The following STK3 variants were observed in gnomAD, a reference collection of about 807,000 sequenced individuals.
The protein encoded by STK3 is serine/threonine kinase 3.
In STK3, 41 loss-of-function variants were observed where a neutral mutation model predicts 58.0. That is an observed-to-expected ratio of 0.71 (90% confidence interval 0.55 to 0.92). The LOEUF is 0.92. Ranked by LOEUF, STK3 falls within the 40% of genes least tolerant of loss-of-function variation. The pLI, the probability that STK3 is intolerant of heterozygous loss-of-function variation, is 0.00. For synonymous variants in STK3, 170 were observed against 191.0 expected, an observed-to-expected ratio of 0.89 and a Z score of 0.91; for missense variants, 479 against 602.7, an observed-to-expected ratio of 0.79 and a Z score of 2.15.
At chr8:98,792,406 T>G (rs752360167) in intron 1 of STK3, among the ~76,000 whole-genome samples, 2 of 152,116 alleles carry the variant, frequency 1.3e-5, no homozygotes, top group Non-Finnish European at 2.9e-5. Context: ...CTTAAAGAAC[T>G]AAAAGTAGGG....
the STK3 span, among the ~76,000 whole-genome samples, chr8:98,354,846 C>A: frequency 1.3e-5 from 2 of 152,188 alleles, no homozygotes; most frequent in Non-Finnish European, 2.9e-5. Flanking sequence ...GGTGCAATCT[C>A]GCCTCAATGC....
downstream of STK3, among the ~76,000 whole-genome samples, chr8:98,368,638 C>G (rs2130986527): frequency 6.6e-6 from 1 of 152,282 alleles, no homozygotes; most frequent in East Asian, 1.9e-4. Context: ...ATGTCTCCTG[C>G]ATTCACAAAA....
intron 6 of STK3, among the ~76,000 whole-genome samples, chr8:98,701,469 A>G (rs2131035000): frequency 6.6e-6 from 1 of 152,098 alleles, no homozygotes; most frequent in African/African-American, 2.4e-5. Flanking sequence ...AATACAAAAA[A>G]TTAGCTTGGC....
intron 1 of STK3, among the ~76,000 whole-genome samples, chr8:98,940,162 C>T (rs947508900): frequency 3.3e-5 from 5 of 151,900 alleles, no homozygotes; most frequent in African/African-American, 1.2e-4. Flanking sequence ...GCCTGGAGAC[C>T]GCGGAGCCCG....
At chr8:98,731,548 T>C (rs1187868370) in intron 4 of STK3, among the ~76,000 whole-genome samples, 1 of 151,814 alleles carries the variant, frequency 6.6e-6, no homozygotes, top group East Asian at 1.9e-4. Flanking sequence ...TGAAACTCCG[T>C]CTCTACTAAA....
At chr8:98,838,756 T>A (rs1465320056) in intron 3 of STK3, among the ~76,000 whole-genome samples, 1 of 152,106 alleles carries the variant, frequency 6.6e-6, no homozygotes, top group East Asian at 1.9e-4. Flanking sequence ...TACCGGTCTT[T>A]TTCCCTAAAG....
At chr8:98,846,856 T>TACACACACACACACACAC (rs374739035) in intron 3 of STK3, among the ~76,000 whole-genome samples, 36 of 143,320 alleles carry the variant, frequency 2.5e-4, no homozygotes, top group African/African-American at 9.2e-4. Context: ...TTCAGGATCC[T>TACACACACACACACACAC]ACACACACAC....
At chr8:98,837,907 G>A (rs1264898324) in intron 3 of STK3, among the ~76,000 whole-genome samples, 1 of 151,998 alleles carries the variant, frequency 6.6e-6, no homozygotes, top group African/African-American at 2.4e-5. Context: ...ACTCCAGCCT[G>A]GGTGACAGAG....
At chr8:98,705,681 A>C (rs780891881) in intron 6 of STK3, among the ~76,000 whole-genome samples, 78 of 152,218 alleles carry the variant, frequency 5.1e-4, no homozygotes, top group Admixed American at 8.5e-4. Flanking sequence ...ACACATACAT[A>C]CACTCCTCCC....
chr8:98,874,246 C>T (rs1348724657), intron 3 of STK3, among the ~76,000 whole-genome samples: 1 of 152,186 alleles, frequency 6.6e-6, no homozygotes, highest in African/African-American at 2.4e-5. Flanking sequence ...TTGTGGGTAA[C>T]CTGACCTTTC....
chr8:98,495,765 T>C (rs922617211), intron 10 of STK3, among the ~76,000 whole-genome samples: 1 of 152,220 alleles, frequency 6.6e-6, no homozygotes, highest in African/African-American at 2.4e-5. Flanking sequence ...ATCAAACATC[T>C]GTATATACTT....
At chr8:98,649,317 A>G (rs537959348) in intron 6 of STK3, among the ~76,000 whole-genome samples, 2 of 152,260 alleles carry the variant, frequency 1.3e-5, no homozygotes, top group East Asian at 3.9e-4. Context: ...GCTGCCAATG[A>G]GATCCCACAT....
chr8:98,706,517 T>C lies in STK3; in HGVS notation c.634A>G (p.Ile212Val), dbSNP rs1825972576. ...ADIWSLGITS[I>V]EMAEGKPPYA... ...GGAGGTTTTCCTTCAGCCATTTCTA[T>C]AGAAGTAATGCCAAGGGACCAGATG... The change falls in exon 6 of 11, where the codon ATA becomes GTA. Residue 212 changes from isoleucine to valine, a missense_variant. Physicochemically the swap from Ile to Val is conservative, Grantham distance 29 (BLOSUM62 3). Transcript: ENST00000419617. 2 of 1,613,922 alleles carry C rather than the reference T, an allele frequency of 1.2e-6. No individual in the cohort carries two copies. The highest frequency in any genetic ancestry group is 1.7e-6 in the Non-Finnish European group (2 of 1,179,896).
At chr8:98,923,125 G>C (rs1449527649) in intron 1 of STK3, among the ~76,000 whole-genome samples, 1 of 152,122 alleles carries the variant, frequency 6.6e-6, no homozygotes, top group African/African-American at 2.4e-5. Flanking sequence ...AAATGGAAAG[G>C]TTTTAAATAT....
At chr8:98,582,471 T>C (rs1046253019) in intron 7 of STK3, among the ~76,000 whole-genome samples, 4 of 152,134 alleles carry the variant, frequency 2.6e-5, no homozygotes, top group African/African-American at 7.2e-5. Flanking sequence ...CCCCTAGTTC[T>C]TTCCTATTTC....
At chr8:98,646,464 T>C (rs947517356) in intron 6 of STK3, among the ~76,000 whole-genome samples, 4 of 152,248 alleles carry the variant, frequency 2.6e-5, no homozygotes, top group Non-Finnish European at 5.9e-5. Context: ...AGTAACTCTA[T>C]TCAGAGCTAG....
intron 1 of STK3, among the ~76,000 whole-genome samples, chr8:98,807,900 T>C (rs1272766741): frequency 6.6e-6 from 1 of 152,132 alleles, no homozygotes; most frequent in African/African-American, 2.4e-5. Context: ...GCCAAAACAA[T>C]AACTAATTTG....
chr8:98,582,427 C>A (rs904074935), intron 7 of STK3, among the ~76,000 whole-genome samples: 5 of 151,920 alleles, frequency 3.3e-5, no homozygotes, highest in East Asian at 1.9e-4. Context: ...CTTTATTGCA[C>A]CGGAATGAAT....
In STK3 at chr8:98,387,872, C is replaced by CTTTTTTTTTT. The variant is rs1178928185; in HGVS notation, n.56+319_56+320insAAAAAAAAAA. 2.1e-4 allele frequency among the ~76,000 whole-genome samples: 31 copies of CTTTTTTTTTT among 144,720 alleles called. 1 individual carries two copies. The highest frequency in any genetic ancestry group is 7.6e-4 in the African/African-American group (27 of 35,738). 94.9% of individuals were successfully genotyped at this position (144,720 alleles called of 152,430 possible). On this transcript the variant is annotated intron_variant and non_coding_transcript_variant, in intron 1 of 2. Transcript: ENST00000518704. ...GAAACCAGAGCTCTTTGTAAAATGC[C>CTTTTTTTTTT]CTTTTTTTTTTTTTTTTGTCAGATA...
Sources: gnomAD v4.1 joint callset for allele counts (sites outside exome capture counted in the v4.1 genomes callset) on GRCh38, gnomAD v4.1.1 for gene constraint, MANE v1.5 for transcripts, NCBI Gene and HGNC (gene_info 2026-07-23, HGNC 2026-07-21) for gene names.